TPO: variants seen among roughly 807,000 people sequenced by gnomAD.
TPO encodes the protein thyroid microsomal antigen.
TPO carries 78 observed loss-of-function variants against 96.9 expected under a neutral mutation model. That is an observed-to-expected ratio of 0.81 (90% CI 0.67 to 0.97). The LOEUF (loss-of-function observed/expected upper bound fraction) is 0.97. TPO is among the 50% of genes least tolerant of loss of function. TPO has a pLI of 0.00. For missense variants in TPO, 1,252 were observed against 1,274.8 expected (o/e 0.98, Z 0.27); for synonymous variants, 547 against 538.0 (o/e 1.02, Z -0.23).
chr2:1,486,380 C>CA (rs1671166500), intron 9 of TPO, among the ~76,000 whole-genome samples: 1 of 151,706 alleles, frequency 6.6e-6, no homozygotes, highest in Non-Finnish European at 1.5e-5. Flanking sequence ...AATAAACAAA[C>CA]AAAAAACATT....
Position 1,435,896 on chromosome 2 carries a change from G to A in TPO, c.350-356G>A, listed in dbSNP as rs116824421. 5.8e-3 allele frequency among the ~76,000 whole-genome samples: 879 copies of A among 152,256 alleles called. 11 individuals are homozygous for A. Among genetic ancestry groups the A allele is most frequent in the African/African-American group, 0.02 (843 of 41,548 alleles). ...ACTAGGCACACATGCCTCACTGTTC[G>A]AATATGATGAATGAGCCCTGGAGAT... On this transcript the variant is annotated intron_variant, in intron 4 of 16. Transcript: ENST00000329066.
At chr2:1,493,265 C>T (rs1052899381) in intron 10 of TPO, among the ~76,000 whole-genome samples, 24 of 146,332 alleles carry the variant, frequency 1.6e-4, no homozygotes, top group Non-Finnish European at 2.8e-4. Context: ...GGGAGGCAAA[C>T]TCTGAAGAGG....
intron 6 of TPO, 124 bp downstream of exon 6, chr2:1,453,947 C>T: frequency 7.0e-7 from 1 of 1,426,888 alleles, no homozygotes; most frequent in Non-Finnish European, 9.7e-7. Context: ...TCAGATCCTC[C>T]CAGCCTCCCT....
At chr2:1,531,187 C>G (rs151274263) in intron 15 of TPO, among the ~76,000 whole-genome samples, 70 of 99,124 alleles carry the variant, frequency 7.1e-4, no homozygotes, top group African/African-American at 2.5e-3. Flanking sequence ...AGCAACCTCC[C>G]CAAATCCCCA....
At chr2:1,391,035 T>C (rs1393502147) in intron 1 of TPO, among the ~76,000 whole-genome samples, 2 of 152,234 alleles carry the variant, frequency 1.3e-5, no homozygotes, top group East Asian at 3.8e-4. Flanking sequence ...TTTAGTTTAA[T>C]TAGATCCCAT....
At chr2:1,462,302 G>A (rs1668519880) in intron 7 of TPO, among the ~76,000 whole-genome samples, 1 of 152,216 alleles carries the variant, frequency 6.6e-6, no homozygotes, top group African/African-American at 2.4e-5. Context: ...CAGACCTCAG[G>A]GCTCTGCGCT....
At position 1,442,956 on chromosome 2, in the gene TPO, C is replaced by A. The variant is rs143902345; in HGVS notation, c.482+6572C>A. On this transcript the variant is annotated intron_variant, in intron 5 of 16. Coordinates refer to ENST00000329066, the MANE Select transcript of TPO (RefSeq NM_001206744.2). The stretch of plus-strand genomic sequence containing the variant: ...CTTTGAAAAATTGCATTATTTCTTG[C>A]TGGGCACTTTGGCTCACGCCTGTAA... Among the ~76,000 whole-genome samples, 114 of 152,276 alleles carry A rather than the reference C, an allele frequency of 7.5e-4. 1 individual carries two copies. In the East Asian group the frequency reaches 0.022, roughly 29 times the overall value.
intron 3 of TPO, among the ~76,000 whole-genome samples, chr2:1,426,737 A>G (rs9326169): frequency 0.26 from 38,952 of 152,202 alleles, 5,206 homozygotes; most frequent in Admixed American, 0.35. Context: ...GATCATCAGG[A>G]AACATGATGG....
intron 8 of TPO, among the ~76,000 whole-genome samples, chr2:1,482,769 G>A (rs1670767716): frequency 1.3e-5 from 2 of 152,120 alleles, no homozygotes; most frequent in South Asian, 4.1e-4. Flanking sequence ...CAACCTCCTG[G>A]GCTCAAGCAA....
At chr2:1,470,475 T>A (rs1402781179) in intron 7 of TPO, among the ~76,000 whole-genome samples, 2 of 151,506 alleles carry the variant, frequency 1.3e-5, no homozygotes, top group East Asian at 3.9e-4. Context: ...TTCTTCTCTA[T>A]GACATCTACA....
intron 5 of TPO, among the ~76,000 whole-genome samples, chr2:1,452,522 G>A (rs1366248361): frequency 6.6e-6 from 1 of 152,222 alleles, no homozygotes; most frequent in Admixed American, 6.5e-5. Context: ...GCAACCCTGT[G>A]ATTATTTTTA....
At chr2:1,374,742 T>A (rs1661695659) in intron 1 of TPO, among the ~76,000 whole-genome samples, 1 of 146,400 alleles carries the variant, frequency 6.8e-6, no homozygotes, top group Non-Finnish European at 1.5e-5. Context: ...TTTTTTTTTT[T>A]ACTGAGATGA....
chr2:1,403,951 C>A (rs1662209426), intron 1 of TPO, among the ~76,000 whole-genome samples: 1 of 152,222 alleles, frequency 6.6e-6, no homozygotes, highest in Non-Finnish European at 1.5e-5. Context: ...GGGGGCCTGT[C>A]TGTTACTGCA....
At chr2:1,533,125 C>CCT (rs1678714310) in intron 15 of TPO, among the ~76,000 whole-genome samples, 2 of 139,458 alleles carry the variant, frequency 1.4e-5, no homozygotes, top group South Asian at 2.4e-4. Flanking sequence ...TCCCCAAATC[C>CCT]CCCACTGTGT....
chr2:1,380,102 T>C (rs909560365), intron 1 of TPO, among the ~76,000 whole-genome samples: 13 of 152,146 alleles, frequency 8.5e-5, no homozygotes, highest in Non-Finnish European at 1.8e-4. Context: ...CCCATGAAAA[T>C]CTAATTTATT....
chr2:1,424,459 G>C (rs996192942), intron 3 of TPO, among the ~76,000 whole-genome samples: 1 of 152,184 alleles, frequency 6.6e-6, no homozygotes, highest in Non-Finnish European at 1.5e-5. Flanking sequence ...ACTTTGGAAT[G>C]CTCTTGGCCG....
At chr2:1,503,804 C>G (rs767615867) in intron 13 of TPO, 144 bp from the exon 14 acceptor site, 1 of 1,466,664 alleles carries the variant, frequency 6.8e-7, no homozygotes, top group Non-Finnish European at 9.4e-7. Context: ...GAGCAGGGGG[C>G]GGCCGGTTCC....
At chr2:1,496,936 C>A (rs1672415055) in intron 13 of TPO, among the ~76,000 whole-genome samples, 171 bp downstream of exon 13, 2 of 152,164 alleles carry the variant, frequency 1.3e-5, no homozygotes, top group African/African-American at 2.4e-5. Context: ...TGGCCATGTT[C>A]CCAGCTGGCC....
intron 1 of TPO, among the ~76,000 whole-genome samples, chr2:1,393,093 T>G (rs1662027957): frequency 6.6e-6 from 1 of 152,128 alleles, no homozygotes; most frequent in Non-Finnish European, 1.5e-5. Flanking sequence ...TTCACTGACT[T>G]GTGGTTCTGT....
Sources: gnomAD v4.1 joint callset for allele counts (sites outside exome capture counted in the v4.1 genomes callset) on GRCh38, gnomAD v4.1.1 for gene constraint, MANE v1.5 for transcripts, NCBI Gene and HGNC (gene_info 2026-07-23, HGNC 2026-07-21) for gene names.